The following TTC29 variants were observed in gnomAD, a reference collection of about 807,000 sequenced individuals.
The protein encoded by TTC29 is tetratricopeptide repeat domain 29.
In TTC29, 49 loss-of-function variants were observed where a neutral mutation model predicts 58.1. The observed-to-expected ratio is 0.84, with a 90% CI of 0.67 to 1.07. TTC29 has a LOEUF of 1.07. Ranked by LOEUF, TTC29 falls within the 50% of genes least tolerant of loss-of-function variation. TTC29 has a pLI of 0.00. For missense variants in TTC29, 582 were observed against 555.6 expected (o/e 1.05, Z -0.48); for synonymous variants, 209 against 196.8 (o/e 1.06, Z -0.52).
At chr4:146,791,974 G>A (rs1485697120) in intron 11 of TTC29, among the ~76,000 whole-genome samples, 1 of 152,186 alleles carries the variant, frequency 6.6e-6, no homozygotes, top group Non-Finnish European at 1.5e-5. Flanking sequence ...GGAAGCTTCA[G>A]AAGAAAAGTT....
At chr4:146,842,586 C>T (rs1486270041) in intron 8 of TTC29, among the ~76,000 whole-genome samples, 1 of 152,098 alleles carries the variant, frequency 6.6e-6, no homozygotes, top group Admixed American at 6.6e-5. Context: ...CAAAAATTGT[C>T]TATAAAACCA....
chr4:146,761,850 T>C (rs2150063139), intron 11 of TTC29, among the ~76,000 whole-genome samples: 1 of 152,006 alleles, frequency 6.6e-6, no homozygotes, highest in East Asian at 1.9e-4. Context: ...TGGAGCTGAA[T>C]GCCCTTAGGA....
intron 11 of TTC29, among the ~76,000 whole-genome samples, chr4:146,717,361 C>G (rs907080616): frequency 1.3e-5 from 2 of 152,148 alleles, no homozygotes; most frequent in Admixed American, 6.6e-5. Context: ...TCACTGCAAT[C>G]TCTGCCTCCC....
At chr4:146,831,726 G>A (rs1325883354) in intron 9 of TTC29, 1 of 450,090 alleles carries the variant, frequency 2.2e-6, no homozygotes, top group African/African-American at 2.0e-5. Context: ...TCCTGGGAAG[G>A]AGGCTAAAAT....
At chr4:146,722,372 C>G (rs1743431396) in intron 11 of TTC29, among the ~76,000 whole-genome samples, 1 of 152,054 alleles carries the variant, frequency 6.6e-6, no homozygotes, top group African/African-American at 2.4e-5. Context: ...CAATCCTAAG[C>G]AAAAAGAATA....
intron 11 of TTC29, among the ~76,000 whole-genome samples, chr4:146,739,278 C>G (rs980914475): frequency 6.6e-6 from 1 of 152,134 alleles, no homozygotes; most frequent in African/African-American, 2.4e-5. Context: ...TCTGCCTTTA[C>G]TGAGGAAAGA....
chr4:146,818,597 G>T (rs1751592410), intron 10 of TTC29, among the ~76,000 whole-genome samples: 1 of 150,988 alleles, frequency 6.6e-6, no homozygotes, highest in African/African-American at 2.4e-5. Context: ...TATACCCAAA[G>T]GACTATAAAT....
intron 6 of TTC29, among the ~76,000 whole-genome samples, chr4:146,892,397 G>A (rs556575715): frequency 2.6e-5 from 4 of 152,262 alleles, no homozygotes; most frequent in East Asian, 3.9e-4. Context: ...ATCAATAAAT[G>A]TAATCTAGCA....
At chr4:146,713,286 T>TC (rs1332619419) in intron 11 of TTC29, among the ~76,000 whole-genome samples, 1 of 26,660 alleles carries the variant, frequency 3.8e-5, no homozygotes, top group East Asian at 1.6e-3. Flanking sequence ...CTTTATTCGT[T>TC]TTCCTCCTCC....
chr4:146,894,331 C>A (rs1461494582), intron 6 of TTC29, among the ~76,000 whole-genome samples: 2 of 151,866 alleles, frequency 1.3e-5, no homozygotes, highest in African/African-American at 2.4e-5. Flanking sequence ...ACATATACAC[C>A]ATGGAATACT....
At chr4:146,908,842 T>A (rs576105745) in intron 5 of TTC29, among the ~76,000 whole-genome samples, 184 bp downstream of exon 5, 1 of 152,324 alleles carries the variant, frequency 6.6e-6, no homozygotes, top group Non-Finnish European at 1.5e-5. Flanking sequence ...TGCCCCCGTG[T>A]CTGGGCAGCC....
intron 8 of TTC29, among the ~76,000 whole-genome samples, chr4:146,843,914 T>G (rs1227620513): frequency 6.6e-6 from 1 of 152,172 alleles, no homozygotes; most frequent in Non-Finnish European, 1.5e-5. Context: ...GAACGCTTTT[T>G]TAAAATGTCC....
intron 6 of TTC29, among the ~76,000 whole-genome samples, chr4:146,895,144 G>C (rs1367771399): frequency 6.6e-6 from 1 of 152,140 alleles, no homozygotes; most frequent in Non-Finnish European, 1.5e-5. Context: ...GTCCCTGCAA[G>C]GGACATGATC....
At chr4:146,778,804 T>C (rs976949611) in intron 11 of TTC29, among the ~76,000 whole-genome samples, 1 of 151,520 alleles carries the variant, frequency 6.6e-6, no homozygotes, top group East Asian at 1.9e-4. Flanking sequence ...CAGAGGAGAA[T>C]AGACCCTGGA....
chr4:146,859,060 T>C (rs995787117), intron 8 of TTC29, among the ~76,000 whole-genome samples: 8 of 152,160 alleles, frequency 5.3e-5, no homozygotes, highest in African/African-American at 1.7e-4. Context: ...GAAACTCTAA[T>C]GTCATGATGT....
chr4:146,821,826 G>C (rs529949630), intron 9 of TTC29, among the ~76,000 whole-genome samples: 2 of 152,166 alleles, frequency 1.3e-5, no homozygotes, highest in Admixed American at 1.3e-4. Flanking sequence ...TAGTTGCTGG[G>C]GAATAAGGTT....
intron 11 of TTC29, among the ~76,000 whole-genome samples, chr4:146,726,587 A>C (rs1486649937): frequency 1.3e-5 from 2 of 152,082 alleles, no homozygotes; most frequent in Non-Finnish European, 2.9e-5. Context: ...TATCTTGCTC[A>C]AGGTTTTGTG....
intron 7 of TTC29, among the ~76,000 whole-genome samples, chr4:146,870,067 G>A (rs1314877233): frequency 6.6e-6 from 1 of 152,060 alleles, no homozygotes; most frequent in African/African-American, 2.4e-5. Flanking sequence ...GGAAAATAGA[G>A]CAAGGTAAGG....
At chr4:146,818,622 G>C (rs1751595960) in intron 10 of TTC29, among the ~76,000 whole-genome samples, 1 of 152,074 alleles carries the variant, frequency 6.6e-6, no homozygotes, top group Non-Finnish European at 1.5e-5. Context: ...CTGCTGTAAA[G>C]ACACATGCAC....
Sources: allele counts gnomAD v4.1 joint callset (sites outside exome capture counted in the v4.1 genomes callset), GRCh38; gene constraint gnomAD v4.1.1; transcripts MANE v1.5; gene names NCBI Gene and HGNC (gene_info 2026-07-23, HGNC 2026-07-21).